The following BICRAL variants were observed in gnomAD, a reference collection of about 807,000 sequenced individuals.
BICRAL encodes BICRA like chromatin remodeling complex associated protein.
BICRAL carries 8 observed loss-of-function variants against 91.8 expected under a neutral mutation model. The observed-to-expected ratio is 0.09, with a 90% confidence interval of 0.05 to 0.16. BICRAL has a LOEUF of 0.16. Among genes scored for constraint, BICRAL ranks in the 10% least tolerant of loss-of-function variants. BICRAL has a pLI of 1.00. For missense variants in BICRAL, 1,038 were observed against 1,310.9 expected, an observed-to-expected ratio of 0.79 and a Z score of 3.21; for synonymous variants, 445 against 491.1, an observed-to-expected ratio of 0.91 and a Z score of 1.24.
At chr6:42,835,366 T>C (rs562079077) in intron 6 of BICRAL, among the ~76,000 whole-genome samples, 5 of 152,154 alleles carry the variant, frequency 3.3e-5, no homozygotes, top group African/African-American at 7.2e-5. Flanking sequence ...TGACCTCTGG[T>C]GATCCACCCA....
chr6:42,793,374 A>T (rs1336047246), intron 1 of BICRAL, among the ~76,000 whole-genome samples: 1 of 135,130 alleles, frequency 7.4e-6, no homozygotes, highest in African/African-American at 2.8e-5. Flanking sequence ...GGATGGTCTC[A>T]ATCTCCTGAC....
At chr6:42,806,169 G>T (rs1012588177) in intron 1 of BICRAL, among the ~76,000 whole-genome samples, 5 of 152,170 alleles carry the variant, frequency 3.3e-5, no homozygotes, top group South Asian at 2.1e-4. Flanking sequence ...CCTTAAGTTT[G>T]GAGAGTTGGA....
intron 6 of BICRAL, among the ~76,000 whole-genome samples, chr6:42,831,799 C>T (rs1764488383): frequency 6.6e-6 from 1 of 150,882 alleles, no homozygotes; most frequent in Non-Finnish European, 1.5e-5. Flanking sequence ...CATGCAGTGG[C>T]GAAATCTCAG....
chr6:42,771,392 ATTTG>A (rs1762722519), intron 1 of BICRAL, among the ~76,000 whole-genome samples: 1 of 139,822 alleles, frequency 7.2e-6, no homozygotes. Context: ...TACTTTTCTC[ATTTG>A]TTTGTGTTGT....
In BICRAL at chr6:42,760,724, T is replaced by G. The variant is rs115183527; in HGVS notation, c.-261+13701T>G. Among the ~76,000 whole-genome samples, 1,314 of 152,148 alleles carry G rather than the reference T, an allele frequency of 8.6e-3. 19 individuals are homozygous for G. Among genetic ancestry groups the G allele is most frequent in the African/African-American group, 0.029 (1,196 of 41,510 alleles). On this transcript the variant is annotated intron_variant, in intron 1 of 14. Transcript: ENST00000614467. ...TCCGACTGCTTTTAAATTACTTTCT[T>G]GTCAAAAGGTACATAAGACCAGGCT...
At chr6:42,833,646 C>T in intron 6 of BICRAL, among the ~76,000 whole-genome samples, 1 of 151,778 alleles carries the variant, frequency 6.6e-6, no homozygotes, top group Non-Finnish European at 1.5e-5. Flanking sequence ...CAGGGTTTCT[C>T]CGTGTTGGCC....
chr6:42,762,382 C>G (rs889096497), intron 1 of BICRAL, among the ~76,000 whole-genome samples: 1 of 152,136 alleles, frequency 6.6e-6, no homozygotes, highest in Non-Finnish European at 1.5e-5. Context: ...ATTTCAATGA[C>G]AGTTTTAAAA....
chr6:42,840,726 C>T (rs1365018935), intron 6 of BICRAL, among the ~76,000 whole-genome samples: 1 of 151,800 alleles, frequency 6.6e-6, no homozygotes, highest in Non-Finnish European at 1.5e-5. Flanking sequence ...TAGTAGAGAC[C>T]GCACCTGGCC....
At chr6:42,816,957 T>C (rs1764010718) in intron 2 of BICRAL, among the ~76,000 whole-genome samples, 1 of 146,242 alleles carries the variant, frequency 6.8e-6, no homozygotes, top group Non-Finnish European at 1.5e-5. Context: ...GAGCTTGCAG[T>C]GAGCCGAGAT....
At chr6:42,787,545 A>G (rs1383923976) in intron 1 of BICRAL, among the ~76,000 whole-genome samples, 1 of 152,112 alleles carries the variant, frequency 6.6e-6, no homozygotes, top group Non-Finnish European at 1.5e-5. Flanking sequence ...GGAAAAAAAA[A>G]AGCCCTAAAA....
At chr6:42,778,989 T>G (rs1762841197), upstream of BICRAL, among the ~76,000 whole-genome samples, 1 of 151,954 alleles carries the variant, frequency 6.6e-6, no homozygotes, top group Non-Finnish European at 1.5e-5. Flanking sequence ...GGCTAATTTT[T>G]TTTTTTTCTG....
chr6:42,828,731 G>C lies in BICRAL; in HGVS notation c.398G>C (p.Ser133Thr), dbSNP rs1304315310. The C allele has an allele frequency of 1.2e-6, 2 of 1,614,076 alleles. No homozygotes were observed. The highest frequency in any genetic ancestry group is 1.7e-6 in the Non-Finnish European group (2 of 1,180,038). Reference sequence around the variant, plus strand: ...TATTTGGATGCCAGTATAGGTTCAAGCCAACAGTTTGCACAAGCTCAGCTT... The same window carrying C: ...TATTTGGATGCCAGTATAGGTTCAACCCAACAGTTTGCACAAGCTCAGCTT... ...EAYLDASIGS[S>T]QQFAQAQLHP... Residue 133 changes from serine (S) to threonine (T), a missense_variant, in exon 6 of 13, where the codon AGC becomes ACC. Transcript: ENST00000314073.
rs985079820 is a variant in BICRAL at position 42,807,683 on chromosome 6, G to A, written c.-101-2623G>A. On this transcript the variant is annotated intron_variant, in intron 1 of 12. Transcript: ENST00000314073. ...TAGCTGGGCGTGGTGGCGCGTGCTT[G>A]TAGTCCCAGCTACTCGGTAGGCTGA... Among the ~76,000 whole-genome samples the A allele has an allele frequency of 5.9e-5, 9 of 151,508 alleles. No homozygotes were observed. The East Asian group carries it at 1.4e-3, about 23-fold the overall frequency.
At chr6:42,749,323 G>A (rs1276207551) in intron 1 of BICRAL, among the ~76,000 whole-genome samples, 3 of 152,182 alleles carry the variant, frequency 2.0e-5, no homozygotes, top group Non-Finnish European at 4.4e-5. Flanking sequence ...TCACTCGTAT[G>A]TGGGAACTGA....
intron 1 of BICRAL, among the ~76,000 whole-genome samples, chr6:42,768,306 T>G (rs1036294343): frequency 1.3e-5 from 2 of 152,190 alleles, no homozygotes; most frequent in African/African-American, 4.8e-5. Flanking sequence ...AATCAAAAGA[T>G]TACTGGCTGA....
chr6:42,790,000 G>T (rs1016974804), intron 1 of BICRAL, among the ~76,000 whole-genome samples: 2 of 150,436 alleles, frequency 1.3e-5, no homozygotes, highest in South Asian at 4.2e-4. Context: ...TTCTGTTAGA[G>T]ATCAGCAATA....
intron 1 of BICRAL, among the ~76,000 whole-genome samples, chr6:42,784,132 T>A (rs13214966): frequency 0.093 from 14,096 of 152,204 alleles, 1,156 homozygotes; most frequent in African/African-American, 0.21. Context: ...TTTGAAACTT[T>A]TTTTGTTGGC....
At position 42,788,413 on chromosome 6, in the gene BICRAL, G is replaced by C. The variant is rs572132495; in HGVS notation, c.-102+6312G>C. ...CTAATTTTGTATTTTTAGTAGAGAC[G>C]GGTCCACCATGTTAGCCAGGCTGGT... On this transcript the variant is annotated intron_variant, in intron 1 of 12. Coordinates refer to ENST00000314073, the MANE Select transcript of BICRAL (RefSeq NM_001393499.1). 1.6e-3 allele frequency among the ~76,000 whole-genome samples: 241 copies of C among 151,980 alleles called. 1 individual carries two copies. Among genetic ancestry groups the C allele is most frequent in the African/African-American group, 5.5e-3 (227 of 41,440 alleles).
At chr6:42,847,312 G>T (rs1452239385) in intron 6 of BICRAL, among the ~76,000 whole-genome samples, 1 of 152,106 alleles carries the variant, frequency 6.6e-6, no homozygotes, top group African/African-American at 2.4e-5. Context: ...ATTAGCTGTA[G>T]ATTTTTTATA....
Sources: allele counts gnomAD v4.1 joint callset (sites outside exome capture counted in the v4.1 genomes callset), GRCh38; gene constraint gnomAD v4.1.1; transcripts MANE v1.5; gene names NCBI Gene and HGNC (gene_info 2026-07-23, HGNC 2026-07-21).